VCAN: variants seen among roughly 807,000 people sequenced by gnomAD.
The protein encoded by VCAN is versican core protein.
In VCAN, 44 loss-of-function variants were observed where a neutral mutation model predicts 245.5. The observed-to-expected ratio is 0.18, with a 90% confidence interval of 0.14 to 0.23. The LOEUF (loss-of-function observed/expected upper bound fraction) is 0.23. Ranked by LOEUF, VCAN falls within the 10% of genes least tolerant of loss-of-function variation. VCAN has a pLI of 1.00. For synonymous variants in VCAN, 1,413 were observed against 1,437.0 expected (o/e 0.98, Z 0.38); for missense variants, 3,793 against 4,057.9 (o/e 0.93, Z 1.77).
At chr5:83,479,063 T>G (rs141298275) in intron 1 of VCAN, among the ~76,000 whole-genome samples, 63 of 152,308 alleles carry the variant, frequency 4.1e-4, no homozygotes, top group African/African-American at 1.5e-3. Context: ...ATTACTTGTA[T>G]GAAGTAAATT....
chr5:83,510,995 T>A (rs1293660251), intron 5 of VCAN, among the ~76,000 whole-genome samples: 1 of 152,060 alleles, frequency 6.6e-6, no homozygotes, highest in Non-Finnish European at 1.5e-5. Flanking sequence ...GTGCCTGTAA[T>A]CCCAGCTACT....
intron 9 of VCAN, among the ~76,000 whole-genome samples, chr5:83,547,169 T>G (rs1278471991): frequency 6.6e-6 from 1 of 152,008 alleles, no homozygotes; most frequent in Admixed American, 6.6e-5. Flanking sequence ...GCAGGTTGGG[T>G]CTAGAAAGCC....
rs1427472781 is a variant in VCAN at position 83,539,020 on chromosome 5, C to T, written c.6017C>T (p.Ser2006Phe). The T allele has an allele frequency of 2.5e-6, 4 of 1,614,018 alleles. No homozygotes were observed. The highest frequency in any genetic ancestry group is 2.5e-6 in the Non-Finnish European group (3 of 1,179,950). Reference protein sequence around the residue: ...TSAFPWEEFTSSAEGSGEQLV... With the variant: ...TSAFPWEEFTFSAEGSGEQLV... ...GCCTTCCCCTGGGAAGAGTTTACATCCTCAGCTGAGGGCTCAGGTGAGCAA... is the reference window on the plus strand; with the variant it reads ...GCCTTCCCCTGGGAAGAGTTTACATTCTCAGCTGAGGGCTCAGGTGAGCAA... The change falls in exon 8 of 15, where the codon TCC becomes TTC. Residue 2006 changes from serine to phenylalanine, a missense_variant. Coordinates refer to ENST00000265077, the MANE Select transcript of VCAN (RefSeq NM_004385.5).
rs140678010 is a variant in VCAN, at chr5:83,504,079, A to G, written c.749-8024A>G. ...CTAGGGAGTCTTGTAGCAGCTAGTGATCAAATTAGAGTATTTTTTCCCTTA... is the reference window on the plus strand; with the variant it reads ...CTAGGGAGTCTTGTAGCAGCTAGTGGTCAAATTAGAGTATTTTTTCCCTTA... On this transcript the variant is annotated intron_variant, in intron 5 of 14. Coordinates refer to ENST00000265077, the MANE Select transcript of VCAN (RefSeq NM_004385.5). Among the ~76,000 whole-genome samples the G allele has an allele frequency of 2.8e-3, 429 of 152,320 alleles. 3 individuals are homozygous for G. Among genetic ancestry groups the G allele is most frequent in the African/African-American group, 9.8e-3 (409 of 41,562 alleles).
At position 83,537,903 on chromosome 5, in the gene VCAN, T is replaced by C. The variant is rs1441961905; in HGVS notation, c.4900T>C (p.Ser1634Pro). 1 of 1,613,812 alleles carries C rather than the reference T, an allele frequency of 6.2e-7. No homozygotes were observed. The highest frequency in any genetic ancestry group is 8.5e-7 in the Non-Finnish European group (1 of 1,179,950). The change falls in exon 8 of 15, where the codon TCT (serine) becomes CCT (proline). Residue 1634 changes from serine (S) to proline (P), a missense_variant. Physicochemically the swap from Ser to Pro is moderately conservative, Grantham distance 74 (BLOSUM62 -1). Around this residue, in one of 5 missense-constraint regions of VCAN, gnomAD observed 3,182 missense variants for 3,250.3 expected, o/e 0.98. Transcript: ENST00000265077. ...ACAAGTTGTAGAGCTCTCAGGGAGTTCTTCGATTCCAATTACAGAAGGCTC... is the reference window on the plus strand; with the variant it reads ...ACAAGTTGTAGAGCTCTCAGGGAGTCCTTCGATTCCAATTACAGAAGGCTC... ...PRQVVELSGS[S>P]SIPITEGSGE...
chr5:83,500,509 A>G (rs1745299996), intron 5 of VCAN, among the ~76,000 whole-genome samples: 1 of 152,216 alleles, frequency 6.6e-6, no homozygotes, highest in African/African-American at 2.4e-5. Flanking sequence ...AGAATGAGGA[A>G]GGAAAACATC....
At chr5:83,531,602 A>AT (rs1321707198) in intron 7 of VCAN, among the ~76,000 whole-genome samples, 1 of 152,192 alleles carries the variant, frequency 6.6e-6, no homozygotes. Context: ...TGATCCTAAT[A>AT]TATCTCTGCT....
chr5:83,477,906 A>G (rs1450381539), intron 1 of VCAN, among the ~76,000 whole-genome samples: 1 of 150,668 alleles, frequency 6.6e-6, no homozygotes, highest in East Asian at 2.0e-4. Context: ...ATGCTACACC[A>G]TTTTTTCACC....
chr5:83,577,034 CT>C (rs1365831549), intron 13 of VCAN, among the ~76,000 whole-genome samples: 1 of 151,994 alleles, frequency 6.6e-6, no homozygotes, highest in African/African-American at 2.4e-5. Context: ...TCACCCTTAC[CT>C]TATGATATTT....
intron 7 of VCAN, among the ~76,000 whole-genome samples, chr5:83,528,989 T>TACAC (rs58804437): frequency 0.19 from 27,264 of 141,324 alleles, 2,766 homozygotes; most frequent in Middle Eastern, 0.24. Context: ...GAAACAAAGA[T>TACAC]ACACACACAC....
In VCAN at chr5:83,537,569, C is replaced by G; in HGVS notation, c.4566C>G (p.Val1522=). 6.2e-7 allele frequency: 1 copy of G among 1,613,712 alleles called. No individual in the cohort carries two copies. The stretch of plus-strand genomic sequence containing the variant: ...CAGCCAAAAAAGGGGCAGAATCAGT[C>G]ACAGAGAGAGATACTGAAGTTGGTC... ...SGTAKKGAES[V]TERDTEVGHQ... The change falls in exon 8 of 15, where the codon GTC becomes GTG. Residue 1522 remains valine (V), a synonymous_variant. Transcript: ENST00000265077.
intron 3 of VCAN, among the ~76,000 whole-genome samples, chr5:83,491,312 T>A (rs1229458126): frequency 6.6e-6 from 1 of 152,224 alleles, no homozygotes; most frequent in Non-Finnish European, 1.5e-5. Flanking sequence ...TTTCTTCCAA[T>A]CCTCCATTTC....
chr5:83,547,255 C>A (rs143014728), intron 9 of VCAN, among the ~76,000 whole-genome samples: 288 of 152,284 alleles, frequency 1.9e-3, no homozygotes, highest in African/African-American at 6.6e-3. Flanking sequence ...GATTCTGAGA[C>A]CTTAGCATGC....
intron 5 of VCAN, among the ~76,000 whole-genome samples, chr5:83,497,735 G>C (rs559478710): frequency 1.3e-5 from 2 of 152,142 alleles, no homozygotes; most frequent in South Asian, 4.1e-4. Context: ...AGGGTTTTAA[G>C]GTAGAGTTGA....
intron 3 of VCAN, among the ~76,000 whole-genome samples, chr5:83,492,132 G>A (rs13167610): frequency 0.36 from 55,161 of 151,896 alleles, 10,333 homozygotes; most frequent in African/African-American, 0.43. Flanking sequence ...GTCTTTTTGC[G>A]TTGGCACTGA....
Position 83,538,311 on chromosome 5 carries a change from A to T in VCAN, c.5308A>T (p.Arg1770Trp). The T allele has an allele frequency of 6.2e-7, 1 of 1,614,100 alleles. No homozygotes were observed. The highest frequency in any genetic ancestry group is 8.5e-7 in the Non-Finnish European group (1 of 1,179,976). ...NVATSSDSGT[R>W]KSFMSLTTPT... ...AGCTACATCTAGTGATTCAGGTACCAGGAAAAGTTTTATGTCCTTGACAAC... is the reference window on the plus strand; with the variant it reads ...AGCTACATCTAGTGATTCAGGTACCTGGAAAAGTTTTATGTCCTTGACAAC... Residue 1770 changes from arginine to tryptophan, a missense_variant, in exon 8 of 15, where the codon AGG becomes TGG. Physicochemically the swap from Arg to Trp is moderately radical, Grantham distance 101. This residue lies in a region of VCAN where 3,182 missense variants were observed against 3,250.3 expected (regional missense o/e 0.98). Coordinates refer to ENST00000265077, the MANE Select transcript of VCAN (RefSeq NM_004385.5).
At chr5:83,547,164 T>A (rs961894928) in intron 9 of VCAN, among the ~76,000 whole-genome samples, 1 of 152,146 alleles carries the variant, frequency 6.6e-6, no homozygotes, top group Non-Finnish European at 1.5e-5. Context: ...AGAAGGCAGG[T>A]TGGGTCTAGA....
chr5:83,519,558 A>G lies in VCAN; in HGVS notation c.1252A>G (p.Ser418Gly). The change falls in exon 7 of 15, where the codon AGT (serine) becomes GGT (glycine). Residue 418 changes from serine (S) to glycine (G), a missense_variant. By Grantham distance (56) the Ser-to-Gly change is moderately conservative (BLOSUM62 0). Around this residue, in one of 5 missense-constraint regions of VCAN, gnomAD observed 3,182 missense variants for 3,250.3 expected, o/e 0.98. Coordinates refer to ENST00000265077, the MANE Select transcript of VCAN (RefSeq NM_004385.5). ...ATVQPQAITD[S>G]LATKLPTPTG... ...AGTCCAACCTCAGGCTATCACAGAT[A>G]GTTTAGCCACCAAATTACCCACACC... The G allele has an allele frequency of 2.5e-6, 4 of 1,614,164 alleles. No individual in the cohort carries two copies. The South Asian group carries it at 4.4e-5, about 18-fold the overall frequency.
At position 83,540,610 on chromosome 5, in the gene VCAN, GA is replaced by G; in HGVS notation, c.7614del (p.Lys2538AsnfsTer8). ...EFEDSTLKPN[R>X]KKPTENIIID... ...GAGGATTCCACCTTAAAACCTAACA[GA>G]AAAAAACCCACTGAAAATATTATCA... On this transcript the variant is annotated frameshift_variant, in exon 8 of 15. Coordinates refer to ENST00000265077, the MANE Select transcript of VCAN (RefSeq NM_004385.5). LOFTEE classifies it high-confidence loss of function. The G allele has an allele frequency of 6.2e-7, 1 of 1,613,660 alleles. No homozygotes were observed. The highest frequency in any genetic ancestry group is 8.5e-7 in the Non-Finnish European group (1 of 1,179,916).
Sources: allele counts gnomAD v4.1 joint callset (sites outside exome capture counted in the v4.1 genomes callset), GRCh38; gene constraint gnomAD v4.1.1; regional missense constraint gnomAD v4.1.1; transcripts MANE v1.5; gene names NCBI Gene and HGNC (gene_info 2026-07-23, HGNC 2026-07-21).